The following EFR3A variants were observed in gnomAD, a reference collection of about 807,000 sequenced individuals.
EFR3A encodes protein EFR3 homolog A.
Under a neutral mutation model 104.4 loss-of-function variants are expected in EFR3A, and 76 were observed. The ratio of observed to expected loss-of-function variants is 0.73; its 90% CI spans 0.60 to 0.88. The LOEUF is 0.88. Ranked by LOEUF, EFR3A falls within the 40% of genes least tolerant of loss-of-function variation. EFR3A has a pLI of 0.00. For synonymous variants in EFR3A, 330 were observed against 330.0 expected (o/e 1.00, Z 0.00); for missense variants, 985 against 1,012.5 (o/e 0.97, Z 0.37).
At chr8:131,989,333 ATATT>A (rs1214986320) in intron 18 of EFR3A, among the ~76,000 whole-genome samples, 2 of 152,236 alleles carry the variant, frequency 1.3e-5, no homozygotes, top group African/African-American at 2.4e-5. Context: ...AAAGCAGAAC[ATATT>A]TAGTTTGTTG....
intron 1 of EFR3A, among the ~76,000 whole-genome samples, chr8:131,915,087 G>A (rs1225125792): frequency 1.3e-5 from 2 of 152,084 alleles, no homozygotes; most frequent in African/African-American, 4.8e-5. Context: ...CCATGTCTTT[G>A]CTATTGTGAA....
rs561643252 is a variant in EFR3A at position 131,970,503 on chromosome 8, C to G, written c.1019C>G (p.Thr340Ser). The change falls in exon 10 of 23, where the codon ACC becomes AGC. Residue 340 changes from threonine to serine, a missense_variant. By Grantham distance (58) the Thr-to-Ser change is moderately conservative. Coordinates refer to ENST00000254624, the MANE Select transcript of EFR3A (RefSeq NM_015137.6). ...CCGACAGTGCTGGAAGTCTTCAATACCCTTTTGAAACATCTGCGTCTCAGC... is the reference window on the plus strand; with the variant it reads ...CCGACAGTGCTGGAAGTCTTCAATAGCCTTTTGAAACATCTGCGTCTCAGC... ...IGPTVLEVFN[T>S]LLKHLRLSVE... 8 of 1,613,712 alleles carry G rather than the reference C, an allele frequency of 5.0e-6. No homozygotes were observed. In the South Asian group the frequency reaches 6.6e-5, roughly 13 times the overall value.
chr8:131,925,215 T>G lies in EFR3A; in HGVS notation c.11-15284T>G, dbSNP rs1340269913. Among the ~76,000 whole-genome samples the G allele has an allele frequency of 2.6e-5, 4 of 152,176 alleles. No individual in the cohort carries two copies. The East Asian group carries it at 7.7e-4, about 29-fold the overall frequency. On this transcript the variant is annotated intron_variant, in intron 1 of 22. Transcript: ENST00000254624. ...ATGTCCTTTAAATATTTGAGTAATATCTGATATTTTAACATTTACTATGTG... is the reference window on the plus strand; with the variant it reads ...ATGTCCTTTAAATATTTGAGTAATAGCTGATATTTTAACATTTACTATGTG...
Position 131,976,016 on chromosome 8 carries a change from T to A in EFR3A, c.1160-11T>A, listed in dbSNP as rs1157162732. The A allele has an allele frequency of 6.6e-7, 1 of 1,522,814 alleles. No homozygotes were observed. Among genetic ancestry groups the A allele is most frequent in the African/African-American group, 1.4e-5 (1 of 72,664 alleles). 94.3% of individuals were successfully genotyped at this position (1,522,814 alleles called of 1,614,324 possible). ...TTTCAGTTTCTAAAATTTGTCTTAA[T>A]ACTTTCATAGGATTTTTTGGAAGTA... On this transcript the variant is annotated splice_polypyrimidine_tract_variant and intron_variant, in intron 10 of 22. Coordinates refer to ENST00000254624, the MANE Select transcript of EFR3A (RefSeq NM_015137.6).
intron 18 of EFR3A, among the ~76,000 whole-genome samples, chr8:131,991,247 C>T (rs199831808): frequency 1.3e-5 from 2 of 152,092 alleles, no homozygotes; most frequent in Non-Finnish European, 2.9e-5. Flanking sequence ...GAAAGACCAA[C>T]CCTCATGATT....
At chr8:131,999,627 A>G (rs1294583265) in intron 19 of EFR3A, among the ~76,000 whole-genome samples, 4 of 152,194 alleles carry the variant, frequency 2.6e-5, no homozygotes, top group East Asian at 1.9e-4. Flanking sequence ...CAAATAAAGT[A>G]CGTAGCTTGT....
At chr8:131,965,104 A>G (rs867810267) in intron 8 of EFR3A, among the ~76,000 whole-genome samples, 1 of 152,232 alleles carries the variant, frequency 6.6e-6, no homozygotes, top group Non-Finnish European at 1.5e-5. Flanking sequence ...ACTTAAAACC[A>G]TAAAAACCCT....
chr8:131,953,706 T>G lies in EFR3A; in HGVS notation c.489-112T>G. ...ACTTGTGTGTTATTTTAAGATATTT[T>G]ATTGATAAGATAACAGTATTTACTT... is the stretch of plus-strand genomic sequence containing the variant. On this transcript the variant is annotated intron_variant, in intron 5 of 22. Coordinates refer to ENST00000254624, the MANE Select transcript of EFR3A (RefSeq NM_015137.6). The G allele has an allele frequency of 8.0e-6, 8 of 1,004,874 alleles. No homozygotes were observed. In the South Asian group the frequency reaches 1.6e-4, roughly 20 times the overall value. The allele number at this position is 1,004,874 out of a possible 1,614,324, so 62.2% of individuals were successfully genotyped here.
At chr8:131,916,272 T>G (rs1358623688) in intron 1 of EFR3A, among the ~76,000 whole-genome samples, 2 of 152,164 alleles carry the variant, frequency 1.3e-5, no homozygotes, top group African/African-American at 2.4e-5. Flanking sequence ...GCTTTGGACT[T>G]GGATGGTGGT....
At chr8:131,907,513 C>T (rs1462345346) in intron 1 of EFR3A, among the ~76,000 whole-genome samples, 1 of 152,108 alleles carries the variant, frequency 6.6e-6, no homozygotes, top group Non-Finnish European at 1.5e-5. Flanking sequence ...TAGGTACTGA[C>T]GTTGAGGTCT....
At chr8:131,910,426 C>G (rs557792711) in intron 1 of EFR3A, among the ~76,000 whole-genome samples, 4 of 152,248 alleles carry the variant, frequency 2.6e-5, no homozygotes, top group South Asian at 2.1e-4. Context: ...TGTGCGCCAC[C>G]ACGCCTGGCT....
chr8:131,934,682 G>T (rs1223795473), intron 1 of EFR3A, among the ~76,000 whole-genome samples: 2 of 151,556 alleles, frequency 1.3e-5, no homozygotes, highest in Admixed American at 6.6e-5. Flanking sequence ...TATAATACGT[G>T]TGTGTGTGTG....
At chr8:131,955,596 G>A (rs1242046901) in intron 6 of EFR3A, among the ~76,000 whole-genome samples, 172 bp from the exon 7 acceptor site, 1 of 152,098 alleles carries the variant, frequency 6.6e-6, no homozygotes, top group African/African-American at 2.4e-5. Context: ...TTGAAAGAGT[G>A]TATGATTCAT....
intron 8 of EFR3A, among the ~76,000 whole-genome samples, chr8:131,965,070 A>G (rs1483430431): frequency 6.6e-6 from 1 of 152,194 alleles, no homozygotes; most frequent in Admixed American, 6.5e-5. Context: ...TTAATTCAAG[A>G]TGGATTAAAG....
chr8:132,009,673 G>A (rs1445404276), intron 22 of EFR3A, among the ~76,000 whole-genome samples: 2 of 151,996 alleles, frequency 1.3e-5, no homozygotes, highest in Admixed American at 6.6e-5. Flanking sequence ...AAGGGTCGGG[G>A]GAAGTTTTCC....
intron 14 of EFR3A, among the ~76,000 whole-genome samples, 156 bp downstream of exon 14, chr8:131,979,577 C>T (rs540003002): frequency 1.4e-4 from 21 of 152,190 alleles, no homozygotes; most frequent in Admixed American, 1.2e-3. Flanking sequence ...TCAAGTGTAA[C>T]ATTCCTGTCG....
At chr8:131,946,734 A>G (rs1818461407) in intron 4 of EFR3A, 101 bp downstream of exon 4, 2 of 1,129,688 alleles carry the variant, frequency 1.8e-6, no homozygotes, top group African/African-American at 1.6e-5. Flanking sequence ...AATTCCCTGA[A>G]TAGGGCATTT....
At chr8:131,922,167 GTGTGTATCCATATCTT>G (rs925329972) in intron 1 of EFR3A, among the ~76,000 whole-genome samples, 1 of 152,072 alleles carries the variant, frequency 6.6e-6, no homozygotes, top group Non-Finnish European at 1.5e-5. Context: ...CAGCCTTCTT[GTGTGTATCCATATCTT>G]TCTTTTTTCT....
intron 1 of EFR3A, among the ~76,000 whole-genome samples, chr8:131,916,256 T>C (rs866795825): frequency 1.3e-5 from 2 of 152,198 alleles, no homozygotes; most frequent in African/African-American, 2.4e-5. Context: ...GTAGTCTAAT[T>C]GGTGGGCTTT....
Sources: gnomAD v4.1 joint callset for allele counts (sites outside exome capture counted in the v4.1 genomes callset) on GRCh38, gnomAD v4.1.1 for gene constraint, MANE v1.5 for transcripts, NCBI Gene and HGNC (gene_info 2026-07-23, HGNC 2026-07-21) for gene names.